Variants in ARHGEF11 observed in about 807,000 individuals in gnomAD.
The protein encoded by ARHGEF11 is Rho guanine exchange factor (GEF) 11.
A neutral mutation model predicts 193.7 loss-of-function variants in ARHGEF11; 55 were observed. The observed-to-expected ratio is 0.28, with a 90% CI of 0.23 to 0.36. ARHGEF11 has a LOEUF of 0.36. Among genes scored for constraint, ARHGEF11 ranks in the 10% least tolerant of loss-of-function variants. The pLI, the probability that ARHGEF11 is intolerant of heterozygous loss-of-function variation, is 1.00. For synonymous variants in ARHGEF11, 693 were observed against 768.0 expected, an observed-to-expected ratio of 0.90 and a Z score of 1.62; for missense variants, 1,723 against 2,005.6, an observed-to-expected ratio of 0.86 and a Z score of 2.69.
intron 19 of ARHGEF11, 36 bp downstream of exon 19, chr1:156,956,383 AG>A (rs1178266616): frequency 2.5e-6 from 4 of 1,609,258 alleles, no homozygotes; most frequent in Non-Finnish European, 3.4e-6. Context: ...CCAAAGTACT[AG>A]GATTACAGGC....
At chr1:156,985,313 A>G (rs1664757062) in intron 2 of ARHGEF11, among the ~76,000 whole-genome samples, 1 of 152,250 alleles carries the variant, frequency 6.6e-6, no homozygotes, top group Admixed American at 6.5e-5. Flanking sequence ...GGCAATTTAT[A>G]TAAAACCCAT....
At chr1:156,986,343 A>C (rs370932310) in intron 1 of ARHGEF11, among the ~76,000 whole-genome samples, 170 bp from the exon 2 acceptor site, 1 of 152,264 alleles carries the variant, frequency 6.6e-6, no homozygotes, top group East Asian at 1.9e-4. Context: ...ACCACTGGTA[A>C]CACCACCTAT....
intron 29 of ARHGEF11, 175 bp from the exon 30 acceptor site, chr1:156,945,372 T>C: frequency 1.6e-6 from 1 of 629,040 alleles, no homozygotes; most frequent in East Asian, 2.8e-5. Flanking sequence ...GGGTAACTTT[T>C]ACTGAGCATC....
chr1:156,942,033 T>G (rs201266346), intron 33 of ARHGEF11, 44 bp from the exon 34 acceptor site: 8 of 1,613,194 alleles, frequency 5.0e-6, no homozygotes, highest in South Asian at 4.4e-5. Context: ...GAGAGCAAGA[T>G]AGCAGCACGC....
chr1:156,985,001 G>C (rs1051982186), intron 2 of ARHGEF11, among the ~76,000 whole-genome samples: 1 of 150,778 alleles, frequency 6.6e-6, no homozygotes, highest in African/African-American at 2.4e-5. Flanking sequence ...GAAATAAAAG[G>C]GTTTTCTTCT....
At chr1:156,939,280 T>C (rs938109770) in intron 37 of ARHGEF11, 2 of 489,030 alleles carry the variant, frequency 4.1e-6, no homozygotes, top group Non-Finnish European at 7.3e-6. Context: ...GAAATGTCCT[T>C]ATGTGCTATA....
chr1:156,963,112 T>C (rs1468249631), intron 13 of ARHGEF11, 91 bp downstream of exon 13: 2 of 1,006,366 alleles, frequency 2.0e-6, no homozygotes, highest in African/African-American at 3.2e-5. Flanking sequence ...TGGATCTGAC[T>C]TGTAACAGCC....
At chr1:156,974,976 A>G (rs1571319135) in intron 7 of ARHGEF11, among the ~76,000 whole-genome samples, 1 of 152,202 alleles carries the variant, frequency 6.6e-6, no homozygotes, top group African/African-American at 2.4e-5. Context: ...ATGAATGTTC[A>G]TGTACAAGTT....
chr1:156,937,069 G>A, intron 39 of ARHGEF11, 64 bp from the exon 40 acceptor site: 1 of 1,585,180 alleles, frequency 6.3e-7, no homozygotes, highest in Non-Finnish European at 8.6e-7. Flanking sequence ...CTGGGGAAGG[G>A]GTCTGTGCTG....
At chr1:157,046,635 G>T (rs988643030), upstream of ARHGEF11, among the ~76,000 whole-genome samples, 1 of 152,076 alleles carries the variant, frequency 6.6e-6, no homozygotes, top group African/African-American at 2.4e-5. Context: ...GCTGTGTGAA[G>T]TGTCTTTGAA....
intron 14 of ARHGEF11, among the ~76,000 whole-genome samples, chr1:156,960,862 TCACC>T (rs1461499735): frequency 2.0e-5 from 3 of 152,188 alleles, no homozygotes; most frequent in African/African-American, 4.8e-5. Flanking sequence ...TAGCCTTGTG[TCACC>T]CAGCCTTGCA....
At chr1:156,974,195 G>A (rs1206550130) in intron 7 of ARHGEF11, among the ~76,000 whole-genome samples, 2 of 152,008 alleles carry the variant, frequency 1.3e-5, no homozygotes, top group African/African-American at 4.8e-5. Context: ...AGCCTCCTAA[G>A]TAGCTAGGAC....
At chr1:157,009,375 C>T (rs1270295306) in intron 1 of ARHGEF11, among the ~76,000 whole-genome samples, 1 of 152,158 alleles carries the variant, frequency 6.6e-6, no homozygotes, top group Admixed American at 6.5e-5. Context: ...AAGGTGCAGG[C>T]ATGGTTCTTG....
chr1:156,942,515 G>A (rs1441632966), intron 33 of ARHGEF11, among the ~76,000 whole-genome samples, 175 bp downstream of exon 33: 1 of 152,224 alleles, frequency 6.6e-6, no homozygotes, highest in Non-Finnish European at 1.5e-5. Context: ...CCAGGTCGGG[G>A]GTGATGACCC....
At chr1:156,936,495 A>ATATATATATATATATATAT (rs1330599702) in intron 40 of ARHGEF11, among the ~76,000 whole-genome samples, 7 of 57,104 alleles carry the variant, frequency 1.2e-4, no homozygotes, top group Admixed American at 4.4e-4. Flanking sequence ...AAAAAAAAAA[A>ATATATATATATATATATAT]AAATATATAT....
At chr1:156,946,247 C>G (rs528188586) in intron 28 of ARHGEF11, 85 bp from the exon 29 acceptor site, 16 of 1,095,098 alleles carry the variant, frequency 1.5e-5, no homozygotes, top group Middle Eastern at 2.0e-4. Context: ...TGGGTGTGAA[C>G]ATGACAAACA....
At chr1:156,991,374 C>T (rs1665671402) in intron 1 of ARHGEF11, among the ~76,000 whole-genome samples, 1 of 152,200 alleles carries the variant, frequency 6.6e-6, no homozygotes, top group African/African-American at 2.4e-5. Flanking sequence ...GACTAGAGTG[C>T]AGTGGCACAA....
At chr1:156,966,059 T>C (rs1484359520) in intron 11 of ARHGEF11, among the ~76,000 whole-genome samples, 2 of 152,202 alleles carry the variant, frequency 1.3e-5, no homozygotes. Flanking sequence ...ATAAATGCTC[T>C]AAGAGAAAAA....
rs184659955 is a variant in ARHGEF11 at position 156,994,990 on chromosome 1, C to T, written c.33-8817G>A. On this transcript the variant is annotated intron_variant, in intron 1 of 40. Transcript: ENST00000368194. ...TAAAACACTGCCGTGCACTTGCTCA[C>T]GCCAGAAATCTGAGATTATCTTTGA... 1.7e-4 allele frequency among the ~76,000 whole-genome samples: 26 copies of T among 149,674 alleles called. No individual in the cohort carries two copies. The East Asian group carries it at 2.8e-3, about 16-fold the overall frequency.
Sources: gnomAD v4.1 joint callset for allele counts (sites outside exome capture counted in the v4.1 genomes callset) on GRCh38, gnomAD v4.1.1 for gene constraint, MANE v1.5 for transcripts, NCBI Gene and HGNC (gene_info 2026-07-23, HGNC 2026-07-21) for gene names.